PTPRT: variants seen among roughly 807,000 people sequenced by gnomAD.
PTPRT encodes protein tyrosine phosphatase receptor type T, also known as receptor-type tyrosine-protein phosphatase T.
A neutral mutation model predicts 176.8 loss-of-function variants in PTPRT; 56 were observed. The ratio of observed to expected loss-of-function variants is 0.32; its 90% CI spans 0.26 to 0.40. The LOEUF (loss-of-function observed/expected upper bound fraction) is 0.40, where lower values mean the gene tolerates loss of function less well. Ranked by LOEUF, PTPRT falls within the 10% of genes least tolerant of loss-of-function variation. The probability of loss-of-function intolerance (pLI) is 1.00; values close to 1 mark genes in which losing one functional copy is unlikely to be tolerated. For synonymous variants in PTPRT, 783 were observed against 739.0 expected (o/e 1.06, Z -0.96); for missense variants, 1,540 against 1,908.2 (o/e 0.81, Z 3.60).
intron 12 of PTPRT, among the ~76,000 whole-genome samples, chr20:42,303,806 G>C (rs1044539341): frequency 1.3e-5 from 2 of 152,118 alleles, no homozygotes; most frequent in African/African-American, 4.8e-5. Context: ...ATTAGAGAGA[G>C]CTTCAGAGTG....
At chr20:42,353,534 A>G (rs1408653563) in intron 9 of PTPRT, among the ~76,000 whole-genome samples, 1 of 152,206 alleles carries the variant, frequency 6.6e-6, no homozygotes, top group Non-Finnish European at 1.5e-5. Context: ...ATTTGTGTCT[A>G]CTGTTCCCTG....
rs187228363 is a variant in PTPRT at position 43,107,240 on chromosome 20, G to A, written c.88+82406C>T. 4.2e-3 allele frequency among the ~76,000 whole-genome samples: 634 copies of A among 152,278 alleles called. 6 individuals are homozygous for A. The highest frequency in any genetic ancestry group is 0.014 in the African/African-American group (595 of 41,544). ...GTCAAATAAGGAAGAAAATAGTCTC[G>A]GATTGATATGCAGCTGGGGTGTGTG... On this transcript the variant is annotated intron_variant, in intron 1 of 30. Coordinates refer to ENST00000373187, the MANE Select transcript of PTPRT (RefSeq NM_007050.6).
At chr20:42,738,522 G>C (rs2076568179) in intron 6 of PTPRT, among the ~76,000 whole-genome samples, 1 of 151,008 alleles carries the variant, frequency 6.6e-6, no homozygotes, top group East Asian at 2.0e-4. Flanking sequence ...AAAAAAAAAA[G>C]AATGACATTC....
intron 7 of PTPRT, among the ~76,000 whole-genome samples, chr20:42,508,689 T>C (rs745366425): frequency 1.3e-5 from 2 of 151,940 alleles, no homozygotes; most frequent in Non-Finnish European, 2.9e-5. Flanking sequence ...TAGTAAGTAG[T>C]AGAGCTGAAA....
At chr20:43,064,622 T>A (rs1987610148) in intron 1 of PTPRT, among the ~76,000 whole-genome samples, 1 of 152,252 alleles carries the variant, frequency 6.6e-6, no homozygotes, top group Admixed American at 6.5e-5. Context: ...GTGAACTGCC[T>A]GTGGGTGTCC....
chr20:42,938,464 G>A (rs1444282944), intron 1 of PTPRT, among the ~76,000 whole-genome samples: 6 of 151,850 alleles, frequency 4.0e-5, no homozygotes, highest in Non-Finnish European at 7.4e-5. Context: ...CTTTTTTTCA[G>A]GCCCAATCAT....
intron 9 of PTPRT, among the ~76,000 whole-genome samples, chr20:42,395,486 T>C (rs1470978147): frequency 6.6e-6 from 1 of 152,168 alleles, no homozygotes; most frequent in African/African-American, 2.4e-5. Flanking sequence ...CCTTTAGTTC[T>C]AATATTTCTC....
chr20:43,072,674 G>A (rs1487980345), intron 1 of PTPRT, among the ~76,000 whole-genome samples: 3 of 152,130 alleles, frequency 2.0e-5, no homozygotes, highest in Admixed American at 1.3e-4. Flanking sequence ...ACTAAGTTCC[G>A]TTCCTAATTT....
intron 1 of PTPRT, among the ~76,000 whole-genome samples, chr20:43,095,096 T>C (rs2012072807): frequency 6.6e-6 from 1 of 152,086 alleles, no homozygotes; most frequent in African/African-American, 2.4e-5. Flanking sequence ...TTGAGTGTCA[T>C]GCCCATTTGG....
chr20:43,135,869 G>A (rs549862432), intron 1 of PTPRT, among the ~76,000 whole-genome samples: 29 of 152,270 alleles, frequency 1.9e-4, no homozygotes, highest in African/African-American at 6.7e-4. Flanking sequence ...GATCTCCCCT[G>A]TTTCAGAAGG....
chr20:42,995,590 G>C (rs1402799747), intron 1 of PTPRT, among the ~76,000 whole-genome samples: 1 of 152,126 alleles, frequency 6.6e-6, no homozygotes, highest in East Asian at 1.9e-4. Flanking sequence ...AAGCACCCCT[G>C]TACTGAGCAC....
rs79155242 is a variant in PTPRT, at chr20:42,290,362, C to T, written c.2140-7837G>A. Among the ~76,000 whole-genome samples, 367 of 152,160 alleles carry T rather than the reference C, an allele frequency of 2.4e-3. 1 individual carries two copies. The highest frequency in any genetic ancestry group is 8.5e-3 in the African/African-American group (351 of 41,522). On this transcript the variant is annotated intron_variant, in intron 12 of 30. Coordinates refer to ENST00000373187, the MANE Select transcript of PTPRT (RefSeq NM_007050.6). ...TCACCCTGGGGTAGAACACCGTGTC[C>T]TTACTGTTGTGCTCTGTTGAGAAAT...
In PTPRT at chr20:42,942,601, G is replaced by T. The variant is rs572609549; in HGVS notation, c.89-56669C>A. 2.6e-5 allele frequency among the ~76,000 whole-genome samples: 4 copies of T among 152,308 alleles called. No individual in the cohort carries two copies. In the South Asian group the frequency reaches 8.3e-4, roughly 32 times the overall value. ...TATCTCGTTCTCTCTCGTATCTCTGGTAGTCAGCATGGGGCTTGGCACTTG... is the reference window on the plus strand; with the variant it reads ...TATCTCGTTCTCTCTCGTATCTCTGTTAGTCAGCATGGGGCTTGGCACTTG... On this transcript the variant is annotated intron_variant, in intron 1 of 30. Coordinates refer to ENST00000373187, the MANE Select transcript of PTPRT (RefSeq NM_007050.6).
chr20:42,221,806 AC>A (rs2055893468), intron 15 of PTPRT, among the ~76,000 whole-genome samples: 1 of 152,130 alleles, frequency 6.6e-6, no homozygotes, highest in Non-Finnish European at 1.5e-5. Flanking sequence ...GATGTGAGCC[AC>A]CACACCTGGC....
chr20:42,721,836 C>A (rs1336253435), intron 6 of PTPRT, among the ~76,000 whole-genome samples: 1 of 152,208 alleles, frequency 6.6e-6, no homozygotes, highest in Non-Finnish European at 1.5e-5. Context: ...CTCCACTTAT[C>A]AACAGGCCAA....
chr20:43,064,650 C>A (rs915084607), intron 1 of PTPRT, among the ~76,000 whole-genome samples: 3 of 152,192 alleles, frequency 2.0e-5, no homozygotes, highest in Non-Finnish European at 2.9e-5. Context: ...CTCCTCTCAA[C>A]AAACATCAAG....
rs545839771 is a variant in PTPRT at position 42,165,214 on chromosome 20, T to G, written c.2492-3672A>C. On this transcript the variant is annotated intron_variant, in intron 16 of 30. Coordinates refer to ENST00000373187, the MANE Select transcript of PTPRT (RefSeq NM_007050.6). Reference sequence around the variant, plus strand: ...GCCCCACTGCTACCAGCCATATAGATCTCCCTCTACCTTTAGTCACATATT... The same window carrying G: ...GCCCCACTGCTACCAGCCATATAGAGCTCCCTCTACCTTTAGTCACATATT... Among the ~76,000 whole-genome samples the G allele has an allele frequency of 2.6e-5, 4 of 152,190 alleles. No individual in the cohort carries two copies. The East Asian group carries it at 7.7e-4, about 29-fold the overall frequency.
intron 7 of PTPRT, among the ~76,000 whole-genome samples, chr20:42,541,046 T>C (rs1397128203): frequency 6.6e-6 from 1 of 152,018 alleles, no homozygotes; most frequent in Non-Finnish European, 1.5e-5. Flanking sequence ...GTGAGAGAAG[T>C]TGGAGTCTAC....
chr20:43,083,347 T>TATATACATATATAC (rs2011506644), intron 1 of PTPRT, among the ~76,000 whole-genome samples: 2 of 97,782 alleles, frequency 2.0e-5, no homozygotes, highest in African/African-American at 7.1e-5. Context: ...TATATATATA[T>TATATACATATATAC]ATATATATAT....
Sources: gnomAD v4.1 joint callset for allele counts (sites outside exome capture counted in the v4.1 genomes callset) on GRCh38, gnomAD v4.1.1 for gene constraint, MANE v1.5 for transcripts, NCBI Gene and HGNC (gene_info 2026-07-23, HGNC 2026-07-21) for gene names.